LST1: variants seen among roughly 807,000 people sequenced by gnomAD.
LST1 encodes leukocyte specific transcript 1, also known as leukocyte-specific transcript 1 protein.
Under a neutral mutation model 8.5 loss-of-function variants are expected in LST1, and 9 were observed. The ratio of observed to expected loss-of-function variants is 1.06; its 90% CI spans 0.64 to 1.85. The LOEUF is 1.85. LST1 is among the 40% of genes most tolerant of loss of function. The pLI, the probability that LST1 is intolerant of heterozygous loss-of-function variation, is 0.00. For missense variants in LST1, 121 were observed against 117.1 expected (o/e 1.03, Z -0.16); for synonymous variants, 53 against 50.4 (o/e 1.05, Z -0.21).
chr6:31,587,444 GA>G, intron 2 of LST1, 126 bp downstream of exon 2: 1 of 1,180,866 alleles, frequency 8.5e-7, no homozygotes, highest in Non-Finnish European at 1.3e-6. Flanking sequence ...GTACAGGAGG[GA>G]AAGGGACCTC....
rs548617239 is a variant in LST1 at position 31,588,270 on chromosome 6, G to A, written c.136-248G>A. 1.2e-3 allele frequency: 706 copies of A among 603,214 alleles called. 1 individual carries two copies. Among genetic ancestry groups the A allele is most frequent in the African/African-American group, 3.5e-3 (187 of 53,860 alleles). The allele number at this position is 603,214 out of a possible 1,614,324, so 37.4% of individuals were successfully genotyped here. ...TCCAGAACCAGGCACAGTGGCTCAC[G>A]TCTGTCATTCCAGCTATCGCAAGGC... is the stretch of plus-strand genomic sequence containing the variant. On this transcript the variant is annotated intron_variant, in intron 4 of 4. Coordinates refer to ENST00000438075, the MANE Select transcript of LST1 (RefSeq NM_205839.3).
At chr6:31,588,397 A>AGG (rs1230922683) in intron 4 of LST1, 121 bp from the exon 5 acceptor site, 227 of 875,814 alleles carry the variant, frequency 2.6e-4, no homozygotes, top group Middle Eastern at 7.3e-4. Context: ...AGAGAGAGAG[A>AGG]GAGAGGGAGA....
chr6:31,588,403 G>GAGGGAGA lies in LST1; in HGVS notation c.136-115_136-114insAGGGAGA, dbSNP rs1562499302. 1,657 of 541,056 alleles carry GAGGGAGA rather than the reference G, an allele frequency of 3.1e-3. 20 individuals are homozygous for GAGGGAGA. In the East Asian group the frequency reaches 0.052, roughly 17 times the overall value. The allele number at this position is 541,056 out of a possible 1,614,324, so 33.5% of individuals were successfully genotyped here. A position where few individuals can be genotyped will look rare whatever the true frequency, so the allele number is the denominator to read the frequency against. On this transcript the variant is annotated intron_variant, in intron 4 of 4. Coordinates refer to ENST00000438075, the MANE Select transcript of LST1 (RefSeq NM_205839.3). ...GAGAGAGAGAGAGAGAGAGAGAGAG[G>GAGGGAGA]GAGAGAGAGAGAGAGAGAGGGAGAG...
chr6:31,588,369 G>T (rs1394202534), intron 4 of LST1, 149 bp from the exon 5 acceptor site: 1 of 772,838 alleles, frequency 1.3e-6, no homozygotes. Flanking sequence ...TGTCTCCAAA[G>T]AAAAAAGAGA....
intron 4 of LST1, chr6:31,588,313 T>G: frequency 1.6e-6 from 1 of 637,226 alleles, no homozygotes; most frequent in Non-Finnish European, 2.7e-6. Context: ...GGAAGATAGC[T>G]TGAGCTCAGG....
chr6:31,588,903 C>T lies in LST1; in HGVS notation c.*227C>T. 2 of 912,948 alleles carry T rather than the reference C, an allele frequency of 2.2e-6. No homozygotes were observed. The highest frequency in any genetic ancestry group is 6.8e-4 in the Middle Eastern group (2 of 2,938). 56.6% of individuals were successfully genotyped at this position (912,948 alleles called of 1,614,324 possible). On this transcript the variant is annotated 3_prime_UTR_variant, in exon 5 of 5. Coordinates refer to ENST00000438075, the MANE Select transcript of LST1 (RefSeq NM_205839.3). ...TAAAAAAAACACATGGCTCACCCTT[C>T]CACCCACTCTGGGGTCAAATAGTAA...
chr6:31,587,522 A>G (rs1274491002), intron 2 of LST1, 119 bp from the exon 3 acceptor site: 1 of 797,442 alleles, frequency 1.3e-6, no homozygotes, highest in Non-Finnish European at 2.0e-6. Flanking sequence ...CTCTGAGGGT[A>G]TATTTTTCTG....
At position 31,587,728 on chromosome 6, in the gene LST1, G is replaced by A. The variant is rs768899963; in HGVS notation, c.107G>A (p.Arg36Gln). ...TCCGCCTGCCTGTGTTGGCTGCATC[G>A]AAGAGGTGAGCGCTGCACTCCCTCC... ...LLSACLCWLH[R>Q]RVKRLERSWA... The change falls in exon 3 of 5, where the codon CGA becomes CAA. Residue 36 changes from arginine to glutamine, a missense_variant. Physicochemically the swap from Arg to Gln is conservative, Grantham distance 43 (BLOSUM62 1). Coordinates refer to ENST00000438075, the MANE Select transcript of LST1 (RefSeq NM_205839.3). 8 of 1,595,718 alleles carry A rather than the reference G, an allele frequency of 5.0e-6. No homozygotes were observed. Among genetic ancestry groups the A allele is most frequent in the East Asian group, 2.3e-5 (1 of 44,400 alleles).
chr6:31,587,574 C>T, intron 2 of LST1, 67 bp from the exon 3 acceptor site: 1 of 1,046,150 alleles, frequency 9.6e-7, no homozygotes, highest in East Asian at 2.5e-5. Context: ...AAGCTGCAAC[C>T]AACCAGGAGG....
At chr6:31,586,732 C>G (rs1771964808) in intron 1 of LST1, 1 of 153,764 alleles carries the variant, frequency 6.5e-6, no homozygotes, top group Non-Finnish European at 1.5e-5. Flanking sequence ...CTGTGGGAAG[C>G]AGCTCTCCAC....
At chr6:31,588,403 G>GGAGAGA (rs71663687) in intron 4 of LST1, 115 bp from the exon 5 acceptor site, 44 of 541,662 alleles carry the variant, frequency 8.1e-5, no homozygotes, top group Admixed American at 3.1e-4. Context: ...AGAGAGAGAG[G>GGAGAGA]GAGAGAGAGA....
At chr6:31,587,880 A>G (rs3135041) in intron 3 of LST1, 64 bp from the exon 4 acceptor site, 486,129 of 1,570,564 alleles carry the variant, frequency 0.31, 78,058 homozygotes, top group Non-Finnish European at 0.33. Flanking sequence ...TGGTGGGGGG[A>G]GCCCGGGAGG....
intron 4 of LST1, 73 bp from the exon 5 acceptor site, chr6:31,588,445 A>G: frequency 1.4e-6 from 2 of 1,463,828 alleles, no homozygotes; most frequent in Non-Finnish European, 1.9e-6. Flanking sequence ...GAAAGGCTGG[A>G]GGTGGGAGCA....
Position 31,588,675 on chromosome 6 carries a change from G to T in LST1, c.293G>T (p.Ter98LeuextTer57). 6.2e-7 allele frequency: 1 copy of T among 1,613,088 alleles called. No homozygotes were observed. The highest frequency in any genetic ancestry group is 8.5e-7 in the Non-Finnish European group (1 of 1,180,018). The change falls in exon 5 of 5, where the codon TGA becomes TTA. Residue 98 changes from the stop codon to leucine (L), a stop_lost. Transcript: ENST00000438075. Reference protein sequence around the residue: ...YACIAENKPT* With the variant: ...YACIAENKPTL Reference sequence around the variant, plus strand: ...TGCATTGCTGAGAACAAACCCACCTGAGCACCCCAGACACCTTCCTCAACC... The same window carrying T: ...TGCATTGCTGAGAACAAACCCACCTTAGCACCCCAGACACCTTCCTCAACC...
rs527306888 is a variant in LST1, at chr6:31,586,496, G to A, written c.-101+181G>A. Among the ~76,000 whole-genome samples the A allele has an allele frequency of 2.0e-5, 3 of 152,216 alleles. No homozygotes were observed. The South Asian group carries it at 6.2e-4, about 32-fold the overall frequency. ...TCATTTCTGTGCCCACGGCCCTTAT[G>A]GCCTCCACCTGCACTTCTGCTCCCC... On this transcript the variant is annotated intron_variant, in intron 1 of 4. Coordinates refer to ENST00000438075, the MANE Select transcript of LST1 (RefSeq NM_205839.3).
chr6:31,587,556 A>G (rs1359930605), intron 2 of LST1, 85 bp from the exon 3 acceptor site: 1 of 880,298 alleles, frequency 1.1e-6, no homozygotes, highest in Admixed American at 2.4e-5. Context: ...TGGAGAGGGA[A>G]TCTGAGAAAG....
At chr6:31,588,374 A>AAGAGAGAGAGAGAG in intron 4 of LST1, 144 bp from the exon 5 acceptor site, 1 of 626,338 alleles carries the variant, frequency 1.6e-6, no homozygotes. Context: ...CCAAAGAAAA[A>AAGAGAGAGAGAGAG]AGAGAGAGAG....
At chr6:31,588,147 A>G (rs1583077330) in intron 4 of LST1, 181 bp downstream of exon 4, 2 of 618,514 alleles carry the variant, frequency 3.2e-6, no homozygotes, top group Non-Finnish European at 5.4e-6. Context: ...ACAGAAACCA[A>G]GAGAAAAAGT....
At position 31,587,260 on chromosome 6, in the gene LST1, G is replaced by C; in HGVS notation, c.-40G>C. On this transcript the variant is annotated 5_prime_UTR_variant, in exon 2 of 5. Coordinates refer to ENST00000438075, the MANE Select transcript of LST1 (RefSeq NM_205839.3). Reference sequence around the variant, plus strand: ...ATTTCGCCTAAAAGAGCAAGGACTAGAGTTCCTGACCTCCAGGCCAGTCCC... The same window carrying C: ...ATTTCGCCTAAAAGAGCAAGGACTACAGTTCCTGACCTCCAGGCCAGTCCC... 2 of 1,417,404 alleles carry C rather than the reference G, an allele frequency of 1.4e-6. No homozygotes were observed. Among genetic ancestry groups the C allele is most frequent in the Non-Finnish European group, 2.0e-6 (2 of 1,000,720 alleles). 87.8% of individuals were successfully genotyped at this position (1,417,404 alleles called of 1,614,324 possible).
Sources: allele counts gnomAD v4.1 joint callset (sites outside exome capture counted in the v4.1 genomes callset), GRCh38; gene constraint gnomAD v4.1.1; transcripts MANE v1.5; gene names NCBI Gene and HGNC (gene_info 2026-07-23, HGNC 2026-07-21).